Variants in STARD3NL observed in about 807,000 individuals in gnomAD.
STARD3NL encodes the protein STARD3 N-terminal like.
A neutral mutation model predicts 30.9 loss-of-function variants in STARD3NL; 17 were observed. The observed-to-expected ratio is 0.55, with a 90% CI of 0.38 to 0.82. The LOEUF (loss-of-function observed/expected upper bound fraction) is 0.82. Among genes scored for constraint, STARD3NL ranks in the 40% least tolerant of loss-of-function variants. STARD3NL has a pLI of 0.00. For missense variants in STARD3NL, 234 were observed against 277.6 expected, an observed-to-expected ratio of 0.84 and a Z score of 1.12; for synonymous variants, 112 against 100.5, an observed-to-expected ratio of 1.11 and a Z score of -0.69.
At chr7:38,183,360 G>A (rs1562593844) in intron 1 of STARD3NL, among the ~76,000 whole-genome samples, 1 of 152,216 alleles carries the variant, frequency 6.6e-6, no homozygotes, top group Admixed American at 6.5e-5. Context: ...GGGATGTTTA[G>A]CAGCATCTCT....
chr7:38,219,732 C>A (rs1244838251), intron 7 of STARD3NL, 72 bp downstream of exon 7: 2 of 1,300,192 alleles, frequency 1.5e-6, no homozygotes, highest in Non-Finnish European at 1.1e-6. Context: ...CTTTCCCTAC[C>A]CCCTCTGTTT....
At chr7:38,187,374 A>G (rs1440180194) in intron 1 of STARD3NL, among the ~76,000 whole-genome samples, 5 of 152,194 alleles carry the variant, frequency 3.3e-5, no homozygotes, top group African/African-American at 7.2e-5. Flanking sequence ...AGTTATTGTC[A>G]ATAATATATA....
chr7:38,197,443 C>T (rs543012037), intron 1 of STARD3NL, among the ~76,000 whole-genome samples: 3 of 152,120 alleles, frequency 2.0e-5, no homozygotes, highest in Admixed American at 6.5e-5. Context: ...CCAGGCAGCT[C>T]TCAAACTACT....
At chr7:38,205,346 A>G (rs1021803144) in intron 1 of STARD3NL, among the ~76,000 whole-genome samples, 19 of 152,216 alleles carry the variant, frequency 1.2e-4, no homozygotes, top group Non-Finnish European at 2.5e-4. Context: ...GATATATTTC[A>G]TAGGTACCTT....
chr7:38,213,845 C>A (rs1322271656), intron 2 of STARD3NL, among the ~76,000 whole-genome samples: 4 of 152,150 alleles, frequency 2.6e-5, no homozygotes, highest in African/African-American at 7.2e-5. Context: ...AGTGCAGAAT[C>A]TTTAAATGCC....
intron 7 of STARD3NL, among the ~76,000 whole-genome samples, chr7:38,227,584 C>T (rs1271980374): frequency 1.3e-5 from 2 of 152,068 alleles, no homozygotes; most frequent in African/African-American, 2.4e-5. Flanking sequence ...AAGGTTCAGG[C>T]GTAGTTGAGA....
rs1028428673 is a variant in STARD3NL, at chr7:38,209,098, T to C, written c.225+1369T>C. 2.6e-5 allele frequency among the ~76,000 whole-genome samples: 4 copies of C among 152,192 alleles called. No homozygotes were observed. In the South Asian group the frequency reaches 8.3e-4, roughly 32 times the overall value. On this transcript the variant is annotated intron_variant, in intron 2 of 8. Transcript: ENST00000009041. ...TTTTTCTTCTGTTAATTTTGCACTG[T>C]GGGATTGTTAAGTTTTGTTTATAAT...
intron 1 of STARD3NL, among the ~76,000 whole-genome samples, chr7:38,187,135 G>C (rs1418123213): frequency 6.6e-6 from 1 of 152,182 alleles, no homozygotes; most frequent in Non-Finnish European, 1.5e-5. Flanking sequence ...ATGCCAGCTG[G>C]CTGACTCAGC....
chr7:38,215,021 CT>C lies in STARD3NL; in HGVS notation c.304-4del, dbSNP rs1174223979. The C allele has an allele frequency of 6.2e-7, 1 of 1,613,100 alleles. No individual in the cohort carries two copies. Among genetic ancestry groups the C allele is most frequent in the Admixed American group, 1.7e-5 (1 of 59,924 alleles). ...TTTAAAACATCCCTTTATTTTCTTA[CT>C]TTCAGCTTCTGGCAGTTTTTCGATT... is the stretch of plus-strand genomic sequence containing the variant. On this transcript the variant is annotated splice_polypyrimidine_tract_variant and splice_region_variant and intron_variant, in intron 3 of 8. Transcript: ENST00000009041.
At chr7:38,228,393 T>C (rs1006507158) in intron 7 of STARD3NL, among the ~76,000 whole-genome samples, 1 of 152,202 alleles carries the variant, frequency 6.6e-6, no homozygotes, top group East Asian at 1.9e-4. Flanking sequence ...CTCTCACTGC[T>C]CTCTCGCTCG....
chr7:38,208,129 A>G (rs1220684474), intron 2 of STARD3NL, among the ~76,000 whole-genome samples: 1 of 152,046 alleles, frequency 6.6e-6, no homozygotes, highest in Non-Finnish European at 1.5e-5. Flanking sequence ...TGTGACAGAG[A>G]CCCTCTGACC....
rs191646450 is a variant in STARD3NL, at chr7:38,181,661, G to T, written c.-59+3241G>T. ...TATCTTCTTTTTTAAATATTGGAAG[G>T]TACTTAAGTTTAAGCAAAAGAGAGT... On this transcript the variant is annotated intron_variant, in intron 1 of 8. Coordinates refer to ENST00000009041, the MANE Select transcript of STARD3NL (RefSeq NM_032016.4). Among the ~76,000 whole-genome samples the T allele has an allele frequency of 2.0e-5, 3 of 152,130 alleles. No individual in the cohort carries two copies. The East Asian group carries it at 5.8e-4, about 29-fold the overall frequency.
At chr7:38,191,413 C>G (rs1017685151) in intron 1 of STARD3NL, among the ~76,000 whole-genome samples, 30 of 152,166 alleles carry the variant, frequency 2.0e-4, no homozygotes, top group African/African-American at 7.0e-4. Context: ...ACAGCCTACA[C>G]AATTTTTTTA....
intron 6 of STARD3NL, among the ~76,000 whole-genome samples, chr7:38,217,594 T>A (rs1786199884): frequency 6.6e-6 from 1 of 152,180 alleles, no homozygotes; most frequent in African/African-American, 2.4e-5. Context: ...AGCCAGCACT[T>A]TTTTCTCCCC....
chr7:38,216,631 G>C (rs1260712942), intron 4 of STARD3NL: 1 of 182,124 alleles, frequency 5.5e-6, no homozygotes, highest in Non-Finnish European at 1.1e-5. Context: ...TGAAGGAACA[G>C]TGACAAGGCT....
chr7:38,229,148 C>T (rs1272470022), intron 8 of STARD3NL, among the ~76,000 whole-genome samples: 1 of 152,206 alleles, frequency 6.6e-6, no homozygotes, highest in African/African-American at 2.4e-5. Flanking sequence ...GTCTACATGC[C>T]AGTCACATGT....
intron 7 of STARD3NL, among the ~76,000 whole-genome samples, chr7:38,226,050 T>C (rs1243720661): frequency 6.6e-6 from 1 of 152,198 alleles, no homozygotes; most frequent in African/African-American, 2.4e-5. Context: ...CTCTGAGCAC[T>C]TCAACTTTTC....
At chr7:38,199,745 G>C (rs1281138509) in intron 1 of STARD3NL, among the ~76,000 whole-genome samples, 1 of 152,186 alleles carries the variant, frequency 6.6e-6, no homozygotes, top group East Asian at 1.9e-4. Flanking sequence ...GTGGCTGTAA[G>C]GAATGATCCT....
At chr7:38,182,176 G>A (rs1784277985) in intron 1 of STARD3NL, among the ~76,000 whole-genome samples, 1 of 152,096 alleles carries the variant, frequency 6.6e-6, no homozygotes, top group Non-Finnish European at 1.5e-5. Context: ...AGATTGTAGA[G>A]CCCTGTTATT....
Sources: allele counts gnomAD v4.1 joint callset (sites outside exome capture counted in the v4.1 genomes callset), GRCh38; gene constraint gnomAD v4.1.1; transcripts MANE v1.5; gene names NCBI Gene and HGNC (gene_info 2026-07-23, HGNC 2026-07-21).